Variants in GNB4 observed in about 807,000 individuals in gnomAD.
GNB4 encodes guanine nucleotide-binding protein subunit beta-4.
GNB4 carries 28 observed loss-of-function variants against 45.2 expected under a neutral mutation model. The observed-to-expected ratio is 0.62, with a 90% confidence interval of 0.46 to 0.85. The LOEUF (loss-of-function observed/expected upper bound fraction) is 0.85, where lower values mean the gene tolerates loss of function less well. GNB4 is among the 40% of genes least tolerant of loss of function. GNB4 has a pLI of 0.00. For missense variants in GNB4, 321 were observed against 425.4 expected (o/e 0.75, Z 2.16); for synonymous variants, 132 against 143.7 (o/e 0.92, Z 0.58).
chr3:179,460,666 C>CT, the GNB4 span, among the ~76,000 whole-genome samples: 49,201 of 151,566 alleles, frequency 0.32, 8,557 homozygotes, highest in African/African-American at 0.46. Flanking sequence ...CTAAATCAAC[C>CT]TTTTTTTTAA....
chr3:179,411,737 C>T (rs1226004842), intron 8 of GNB4, among the ~76,000 whole-genome samples: 1 of 152,206 alleles, frequency 6.6e-6, no homozygotes, highest in East Asian at 1.9e-4. Context: ...GGGGTTAGCA[C>T]AGCATTTACT....
At chr3:179,430,226 C>G (rs976726688) in intron 1 of GNB4, among the ~76,000 whole-genome samples, 2 of 152,076 alleles carry the variant, frequency 1.3e-5, no homozygotes, top group Non-Finnish European at 2.9e-5. Context: ...GCTGAGCCCA[C>G]AGGTGGGCAC....
chr3:179,414,406 C>T lies in GNB4; in HGVS notation c.430+479G>A, dbSNP rs575855977. ...GGCTAAAAATTCAGATGGATAGATA[C>T]CAGATAAGTGGCAATAAATTCCTGA... On this transcript the variant is annotated intron_variant, in intron 6 of 9. Coordinates refer to ENST00000232564, the MANE Select transcript of GNB4 (RefSeq NM_021629.4). 6.6e-5 allele frequency among the ~76,000 whole-genome samples: 10 copies of T among 152,120 alleles called. No individual in the cohort carries two copies. The South Asian group carries it at 2.1e-3, about 32-fold the overall frequency.
At chr3:179,523,141 G>A in the GNB4 span, among the ~76,000 whole-genome samples, 8 of 152,174 alleles carry the variant, frequency 5.3e-5, no homozygotes, top group Admixed American at 1.3e-4. Flanking sequence ...GAGCTGTTTC[G>A]TAGAAGGGGT....
In GNB4 at chr3:179,399,975, T is replaced by G. The variant is rs1714237339; in HGVS notation, c.*1238A>C. Reference sequence around the variant, plus strand: ...CCACAGAAAAACTGTTTAATATAGCTCTCTAACTCCTTTAAGAACTGCTTT... The same window carrying G: ...CCACAGAAAAACTGTTTAATATAGCGCTCTAACTCCTTTAAGAACTGCTTT... On this transcript the variant is annotated 3_prime_UTR_variant, in exon 10 of 10. Coordinates refer to ENST00000232564, the MANE Select transcript of GNB4 (RefSeq NM_021629.4). 1 of 152,212 alleles carries G rather than the reference T, an allele frequency of 6.6e-6. No individual in the cohort carries two copies. The highest frequency in any genetic ancestry group is 2.4e-5 in the African/African-American group (1 of 41,450). 9.4% of individuals were successfully genotyped at this position (152,212 alleles called of 1,614,324 possible).
chr3:179,474,279 C>T, the GNB4 span, among the ~76,000 whole-genome samples: 5,630 of 152,084 alleles, frequency 0.037, 169 homozygotes, highest in Middle Eastern at 0.058. Context: ...GGCTAGAGTG[C>T]AGTAGCACGT....
chr3:179,512,694 G>C, the GNB4 span, among the ~76,000 whole-genome samples: 1 of 152,158 alleles, frequency 6.6e-6, no homozygotes, highest in Non-Finnish European at 1.5e-5. Flanking sequence ...TCAGAGCAGA[G>C]TAAAAAAACT....
the GNB4 span, among the ~76,000 whole-genome samples, chr3:179,479,545 G>A: frequency 2.0e-5 from 3 of 152,058 alleles, no homozygotes; most frequent in Non-Finnish European, 4.4e-5. Flanking sequence ...AGAATAATTT[G>A]ATTTTATCTA....
At chr3:179,484,836 A>ATATG in the GNB4 span, among the ~76,000 whole-genome samples, 3 of 146,996 alleles carry the variant, frequency 2.0e-5, no homozygotes, top group Admixed American at 2.0e-4. Flanking sequence ...AGCTATATAT[A>ATATG]TGTGTGTGTG....
intron 9 of GNB4, among the ~76,000 whole-genome samples, chr3:179,403,385 A>C (rs554387867): frequency 1.3e-5 from 2 of 152,312 alleles, no homozygotes; most frequent in East Asian, 1.9e-4. Context: ...AATAGCTCTT[A>C]AGTTAAAAAG....
At chr3:179,457,552 T>C in the GNB4 span, among the ~76,000 whole-genome samples, 1 of 152,182 alleles carries the variant, frequency 6.6e-6, no homozygotes, top group Non-Finnish European at 1.5e-5. Context: ...ACCCACCAAT[T>C]TTCTTCAATT....
At chr3:179,479,012 A>G in the GNB4 span, among the ~76,000 whole-genome samples, 5 of 152,250 alleles carry the variant, frequency 3.3e-5, no homozygotes, top group East Asian at 7.7e-4. Flanking sequence ...AAAAGCCACT[A>G]TGCTTCCTGT....
At chr3:179,455,611 C>T (rs1330604254), upstream of GNB4, among the ~76,000 whole-genome samples, 3 of 152,174 alleles carry the variant, frequency 2.0e-5, no homozygotes. Context: ...ACCACATTTT[C>T]AAAAGGAACT....
chr3:179,480,125 A>G, the GNB4 span, among the ~76,000 whole-genome samples: 254 of 152,334 alleles, frequency 1.7e-3, no homozygotes, highest in African/African-American at 5.7e-3. Context: ...TCATTATGTG[A>G]TGTTTTCTGC....
intron 1 of GNB4, among the ~76,000 whole-genome samples, chr3:179,432,072 T>C (rs987578478): frequency 6.6e-6 from 1 of 152,178 alleles, no homozygotes. Flanking sequence ...TGCCTACACA[T>C]GACCCCACTT....
the GNB4 span, among the ~76,000 whole-genome samples, chr3:179,468,035 A>AAAAATATATATAT: frequency 2.9e-4 from 26 of 89,822 alleles, no homozygotes; most frequent in East Asian, 1.3e-3. Context: ...TGTTGATAAA[A>AAAAATATATATAT]ATATATATAT....
At chr3:179,518,219 T>A in the GNB4 span, among the ~76,000 whole-genome samples, 1 of 152,150 alleles carries the variant, frequency 6.6e-6, no homozygotes. Context: ...TTGACCCCAA[T>A]ACAAACTCGA....
At chr3:179,475,620 A>C in the GNB4 span, among the ~76,000 whole-genome samples, 42,449 of 151,414 alleles carry the variant, frequency 0.28, 7,621 homozygotes, top group East Asian at 0.58. Flanking sequence ...CTACAGGTGC[A>C]TGCCACCACA....
chr3:179,509,397 G>A, the GNB4 span, among the ~76,000 whole-genome samples: 1 of 152,240 alleles, frequency 6.6e-6, no homozygotes, highest in East Asian at 1.9e-4. Flanking sequence ...ATTCACACTG[G>A]CATTCTCTGT....
Sources: allele counts gnomAD v4.1 joint callset (sites outside exome capture counted in the v4.1 genomes callset), GRCh38; gene constraint gnomAD v4.1.1; transcripts MANE v1.5; gene names NCBI Gene and HGNC (gene_info 2026-07-23, HGNC 2026-07-21).